ST8SIA6: variants seen among roughly 807,000 people sequenced by gnomAD.
ST8SIA6 encodes the protein alpha-2,8-sialyltransferase 8F.
Under a neutral mutation model 33.6 loss-of-function variants are expected in ST8SIA6, and 39 were observed. The ratio of observed to expected loss-of-function variants is 1.16; its 90% confidence interval spans 0.90 to 1.52. The LOEUF (loss-of-function observed/expected upper bound fraction) is 1.52, where lower values mean the gene tolerates loss of function less well. ST8SIA6 is among the 40% of genes most tolerant of loss of function. ST8SIA6 has a pLI of 0.00. For missense variants in ST8SIA6, 441 were observed against 443.8 expected, an observed-to-expected ratio of 0.99 and a Z score of 0.06; for synonymous variants, 172 against 167.2, an observed-to-expected ratio of 1.03 and a Z score of -0.22.
Position 17,327,060 on chromosome 10 carries a change from T to C in ST8SIA6, c.589A>G (p.Lys197Glu), listed in dbSNP as rs1588781921. 3 of 1,610,322 alleles carry C rather than the reference T, an allele frequency of 1.9e-6. No individual in the cohort carries two copies. Among genetic ancestry groups the C allele is most frequent in the Non-Finnish European group, 8.5e-7 (1 of 1,178,458 alleles). ...TCTATTTCAGTTCCACAGAGAGACT[T>C]ATTCAGAATTCCCCCATTTCCGACC... ...AVVGNGGILN[K>E]SLCGTEIDKS... The change falls in exon 6 of 8, where the codon AAG becomes GAG. Residue 197 changes from lysine to glutamate, a missense_variant. Coordinates refer to ENST00000377602, the MANE Select transcript of ST8SIA6 (RefSeq NM_001004470.3).
At chr10:17,374,533 G>A (rs1446476879) in intron 3 of ST8SIA6, among the ~76,000 whole-genome samples, 2 of 151,600 alleles carry the variant, frequency 1.3e-5, no homozygotes, top group African/African-American at 2.4e-5. Flanking sequence ...GAGCAGCCTG[G>A]CCAACATGGT....
Position 17,320,510 on chromosome 10 carries a change from T to A in ST8SIA6, c.*368A>T, listed in dbSNP as rs1285465686. The A allele has an allele frequency of 8.8e-6, 2 of 228,292 alleles. No individual in the cohort carries two copies. Among genetic ancestry groups the A allele is most frequent in the East Asian group, 2.1e-4 (2 of 9,318 alleles). The allele number at this position is 228,292 out of a possible 1,614,324, so 14.1% of individuals were successfully genotyped here. On this transcript the variant is annotated 3_prime_UTR_variant, in exon 8 of 8. Transcript: ENST00000377602. ...GATACTGGTAATGCAGCTATTCTCT[T>A]TAGAAGAGATCTCCAAGAAAGCATG...
intron 2 of ST8SIA6, among the ~76,000 whole-genome samples, chr10:17,424,633 C>T (rs1482731852): frequency 6.6e-6 from 1 of 152,138 alleles, no homozygotes; most frequent in Non-Finnish European, 1.5e-5. Context: ...TCTTCTCACT[C>T]CATTTATTCA....
rs1483021820 is a variant in ST8SIA6, at chr10:17,397,226, G to GTTTTTT, written c.201-6612_201-6607dup. 4.6e-4 allele frequency among the ~76,000 whole-genome samples: 37 copies of GTTTTTT among 80,030 alleles called. 2 individuals are homozygous for GTTTTTT. The highest frequency in any genetic ancestry group is 1.4e-3 in the South Asian group (3 of 2,118). 52.5% of individuals were successfully genotyped at this position (80,030 alleles called of 152,430 possible). On this transcript the variant is annotated intron_variant, in intron 2 of 7. Transcript: ENST00000377602. Reference sequence around the variant, plus strand: ...CGAGGGGTTGTGTCGTTTGCAAATTGTTTTTTGTTTTTTTTTTTTTTTTTG... The same window carrying GTTTTTT: ...CGAGGGGTTGTGTCGTTTGCAAATTGTTTTTTTTTTTTGTTTTTTTTTTTTTTTTTG...
rs1192505952 is a variant in ST8SIA6 at position 17,331,322 on chromosome 10, C to T, written c.522+86G>A. ...AACAATATGGTATTTTAATTGAGTCCATCATAATTGTAAGTTACAGCTTAA... is the reference window on the plus strand; with the variant it reads ...AACAATATGGTATTTTAATTGAGTCTATCATAATTGTAAGTTACAGCTTAA... On this transcript the variant is annotated intron_variant, in intron 5 of 7. Coordinates refer to ENST00000377602, the MANE Select transcript of ST8SIA6 (RefSeq NM_001004470.3). The T allele has an allele frequency of 6.2e-6, 9 of 1,448,408 alleles. No individual in the cohort carries two copies. In the East Asian group the frequency reaches 1.6e-4, roughly 26 times the overall value. 89.7% of individuals were successfully genotyped at this position (1,448,408 alleles called of 1,614,324 possible). A position where few individuals can be genotyped will look rare whatever the true frequency, so the allele number is the denominator to read the frequency against.
intron 4 of ST8SIA6, among the ~76,000 whole-genome samples, chr10:17,358,684 G>A (rs12256336): frequency 3.5e-5 from 2 of 57,002 alleles, no homozygotes; most frequent in Admixed American, 3.3e-4. Flanking sequence ...AAGAAGAAGA[G>A]GAAGAGGAAA....
At chr10:17,361,240 C>T (rs187009984) in intron 3 of ST8SIA6, among the ~76,000 whole-genome samples, 71 of 151,896 alleles carry the variant, frequency 4.7e-4, no homozygotes, top group Non-Finnish European at 8.0e-4. Flanking sequence ...TTGAAAACAT[C>T]AATTAAATTG....
At chr10:17,411,035 A>G (rs1851429226) in intron 2 of ST8SIA6, among the ~76,000 whole-genome samples, 1 of 152,206 alleles carries the variant, frequency 6.6e-6, no homozygotes, top group Non-Finnish European at 1.5e-5. Flanking sequence ...CAACAAGGAA[A>G]CACACAAAAC....
chr10:17,401,403 C>T (rs1224856840), intron 2 of ST8SIA6, among the ~76,000 whole-genome samples: 2 of 152,220 alleles, frequency 1.3e-5, no homozygotes, highest in Non-Finnish European at 2.9e-5. Context: ...CTACCAATGA[C>T]TTTCTTCACA....
chr10:17,403,943 T>G (rs916371817), intron 2 of ST8SIA6, among the ~76,000 whole-genome samples: 6 of 151,686 alleles, frequency 4.0e-5, no homozygotes, highest in Admixed American at 6.6e-5. Flanking sequence ...TGCATGCCTT[T>G]AATCTCAGCT....
intron 2 of ST8SIA6, among the ~76,000 whole-genome samples, chr10:17,452,883 T>C (rs1852965886): frequency 6.6e-6 from 1 of 152,118 alleles, no homozygotes; most frequent in Admixed American, 6.5e-5. Flanking sequence ...ATTTTTGAAA[T>C]ATATGTATAT....
intron 2 of ST8SIA6, among the ~76,000 whole-genome samples, chr10:17,453,306 C>T (rs1433484244): frequency 1.3e-5 from 2 of 151,826 alleles, no homozygotes; most frequent in Non-Finnish European, 2.9e-5. Context: ...ACTCAGCACC[C>T]GTTTTTCAAA....
At chr10:17,374,072 C>CAA (rs1491470641) in intron 3 of ST8SIA6, among the ~76,000 whole-genome samples, 9 of 8,608 alleles carry the variant, frequency 1.0e-3, no homozygotes, top group Non-Finnish European at 1.3e-3. Context: ...CAACAACCAC[C>CAA]ACACACACAC....
chr10:17,328,013 A>C (rs969228840), intron 5 of ST8SIA6, among the ~76,000 whole-genome samples: 2 of 152,206 alleles, frequency 1.3e-5, no homozygotes, highest in African/African-American at 4.8e-5. Context: ...ACACGGCATA[A>C]TGTAATAATA....
In ST8SIA6 at chr10:17,320,030, T is replaced by C. The variant is rs1348516449; in HGVS notation, c.*848A>G. Reference sequence around the variant, plus strand: ...TTTCTCCTACAAGAGGCAATAATCCTTCTTGTCCTCTCACAGAGCCTGGTG... The same window carrying C: ...TTTCTCCTACAAGAGGCAATAATCCCTCTTGTCCTCTCACAGAGCCTGGTG... On this transcript the variant is annotated 3_prime_UTR_variant, in exon 8 of 8. Coordinates refer to ENST00000377602, the MANE Select transcript of ST8SIA6 (RefSeq NM_001004470.3). The C allele has an allele frequency of 6.6e-6, 1 of 152,210 alleles. No homozygotes were observed. Among genetic ancestry groups the C allele is most frequent in the African/African-American group, 2.4e-5 (1 of 41,454 alleles). The allele number at this position is 152,210 out of a possible 1,614,324, so 9.4% of individuals were successfully genotyped here.
At chr10:17,397,226 G>GTTT (rs1483021820) in intron 2 of ST8SIA6, among the ~76,000 whole-genome samples, 1,774 of 79,640 alleles carry the variant, frequency 0.022, 112 homozygotes, top group East Asian at 0.043. Context: ...TTTGCAAATT[G>GTTT]TTTTTTGTTT....
chr10:17,426,317 A>G lies in ST8SIA6; in HGVS notation c.200+27242T>C, dbSNP rs183580008. On this transcript the variant is annotated intron_variant, in intron 2 of 7. Transcript: ENST00000377602. ...CTGGGGTGAGAATCTCCCTTTACCA[A>G]TGGGGTGACTAGGAGGCAATTAAAA... is the stretch of plus-strand genomic sequence containing the variant. 1.2e-3 allele frequency among the ~76,000 whole-genome samples: 179 copies of G among 152,190 alleles called. 1 individual carries two copies. The highest frequency in any genetic ancestry group is 2.0e-3 in the Non-Finnish European group (135 of 68,012).
At chr10:17,453,419 T>TCAAA (rs1852991360) in intron 2 of ST8SIA6, 140 bp downstream of exon 2, 5 of 584,732 alleles carry the variant, frequency 8.6e-6, no homozygotes, top group Non-Finnish European at 1.3e-5. Flanking sequence ...CGCGCCCTCT[T>TCAAA]CAAACACACG....
intron 4 of ST8SIA6, among the ~76,000 whole-genome samples, chr10:17,352,552 G>A (rs985505220): frequency 1.3e-5 from 2 of 152,104 alleles, no homozygotes; most frequent in African/African-American, 4.8e-5. Context: ...GAAACACAAG[G>A]CAGGCTGAAA....
Sources: gnomAD v4.1 joint callset for allele counts (sites outside exome capture counted in the v4.1 genomes callset) on GRCh38, gnomAD v4.1.1 for gene constraint, MANE v1.5 for transcripts, NCBI Gene and HGNC (gene_info 2026-07-23, HGNC 2026-07-21) for gene names.